Variants in ATXN8OS observed in about 807,000 individuals in gnomAD.
The protein encoded by ATXN8OS is ATXN8 opposite strand lncRNA, also known as ATXN8 opposite strand (non-protein coding).
At chr13:70,145,687 T>C (rs1353587850) in intron 3 of ATXN8OS, among the ~76,000 whole-genome samples, 1 of 152,174 alleles carries the variant, frequency 6.6e-6, no homozygotes, top group Non-Finnish European at 1.5e-5. Context: ...CTTGTGATTT[T>C]TGTACATTGA....
intron 3 of ATXN8OS, chr13:70,139,371 A>ACTGCTGCTGCTGCTG (rs1566606466): frequency 2.5e-5 from 16 of 643,210 alleles, no homozygotes; most frequent in African/African-American, 1.8e-4. Flanking sequence ...TACTACTACT[A>ACTGCTGCTGCTGCTG]CTACTACTAC....
At chr13:70,111,055 T>C (rs1206939736) in intron 1 of ATXN8OS, among the ~76,000 whole-genome samples, 1 of 152,192 alleles carries the variant, frequency 6.6e-6, no homozygotes, top group African/African-American at 2.4e-5. Flanking sequence ...TGAATGTCCA[T>C]ATGGTTGCCA....
At chr13:70,147,827 A>C (rs1468924224) in intron 4 of ATXN8OS, among the ~76,000 whole-genome samples, 1 of 152,166 alleles carries the variant, frequency 6.6e-6, no homozygotes, top group Non-Finnish European at 1.5e-5. Flanking sequence ...TTCTAAGAAC[A>C]TGTGCCCAAG....
At chr13:70,110,402 G>A (rs778884755) in intron 1 of ATXN8OS, among the ~76,000 whole-genome samples, 7 of 151,874 alleles carry the variant, frequency 4.6e-5, no homozygotes, top group Non-Finnish European at 8.8e-5. Flanking sequence ...ATTAAATTAC[G>A]CATGAAGTTA....
At chr13:70,170,630 T>G in exon 5 of ATXN8OS, among the ~76,000 whole-genome samples, 1 of 152,308 alleles carries the variant, frequency 6.6e-6, no homozygotes, top group Non-Finnish European at 1.5e-5. Flanking sequence ...TCCAGAAAGC[T>G]GCAGGTTTTT....
chr13:70,155,506 G>A (rs558191387), intron 4 of ATXN8OS, among the ~76,000 whole-genome samples: 4 of 152,118 alleles, frequency 2.6e-5, no homozygotes, highest in East Asian at 3.9e-4. Flanking sequence ...AGTGTCTCTC[G>A]AACTTCAGGG....
At chr13:70,136,257 G>A (rs928959034) in intron 3 of ATXN8OS, among the ~76,000 whole-genome samples, 6 of 152,042 alleles carry the variant, frequency 3.9e-5, no homozygotes, top group African/African-American at 1.2e-4. Flanking sequence ...ACTAATTTAG[G>A]TTGCAGTTCG....
chr13:70,154,729 G>A (rs1888915414), intron 4 of ATXN8OS, among the ~76,000 whole-genome samples: 1 of 152,132 alleles, frequency 6.6e-6, no homozygotes, highest in Non-Finnish European at 1.5e-5. Flanking sequence ...ATTTTACTTT[G>A]TTTTATGAAA....
At chr13:70,144,147 C>T (rs1215291587) in intron 3 of ATXN8OS, among the ~76,000 whole-genome samples, 2 of 151,938 alleles carry the variant, frequency 1.3e-5, no homozygotes, top group Non-Finnish European at 2.9e-5. Context: ...TTTCTTATTG[C>T]CCAGAAATAT....
chr13:70,129,355 ATAT>A (rs1248078658), intron 2 of ATXN8OS, among the ~76,000 whole-genome samples: 5 of 148,264 alleles, frequency 3.4e-5, no homozygotes, highest in Non-Finnish European at 7.4e-5. Context: ...ATTAAAAATA[ATAT>A]TAGTGCTTGT....
chr13:70,130,045 A>G (rs978700901), intron 3 of ATXN8OS, among the ~76,000 whole-genome samples: 16 of 152,122 alleles, frequency 1.1e-4, no homozygotes, highest in Non-Finnish European at 2.1e-4. Context: ...AAGATAGCAA[A>G]TAAGTTAAGT....
At chr13:70,139,744 T>C (rs530177763) in intron 3 of ATXN8OS, among the ~76,000 whole-genome samples, 2 of 152,260 alleles carry the variant, frequency 1.3e-5, no homozygotes, top group African/African-American at 4.8e-5. Context: ...TTGCTCCCAA[T>C]AGAAGGTGCA....
At chr13:70,125,460 T>C (rs1393949887) in intron 2 of ATXN8OS, among the ~76,000 whole-genome samples, 1 of 152,158 alleles carries the variant, frequency 6.6e-6, no homozygotes, top group Non-Finnish European at 1.5e-5. Flanking sequence ...AATAATTTCA[T>C]AACATCATCA....
exon 5 of ATXN8OS, among the ~76,000 whole-genome samples, chr13:70,171,180 C>T (rs1311755681): frequency 1.3e-5 from 2 of 151,936 alleles, no homozygotes; most frequent in Non-Finnish European, 2.9e-5. Flanking sequence ...ACAGAAACTG[C>T]TGATTAGGTT....
At chr13:70,148,687 G>A (rs2739853) in intron 4 of ATXN8OS, among the ~76,000 whole-genome samples, 116,154 of 151,990 alleles carry the variant, frequency 0.76, 44,480 homozygotes, top group South Asian at 0.84. Flanking sequence ...CAAAAATTTC[G>A]TAAACTAAAA....
chr13:70,169,089 G>A (rs1021915314), intron 4 of ATXN8OS, among the ~76,000 whole-genome samples: 7 of 152,014 alleles, frequency 4.6e-5, no homozygotes, highest in Non-Finnish European at 8.8e-5. Flanking sequence ...ACTAGATAAT[G>A]CAGATGGATT....
intron 3 of ATXN8OS, among the ~76,000 whole-genome samples, chr13:70,132,313 T>G (rs1888545560): frequency 6.6e-6 from 1 of 151,748 alleles, no homozygotes; most frequent in Admixed American, 6.6e-5. Context: ...TATGATTTTT[T>G]TTTTTTTTTT....
At chr13:70,113,928 T>C (rs1403461819) in intron 1 of ATXN8OS, among the ~76,000 whole-genome samples, 1 of 152,206 alleles carries the variant, frequency 6.6e-6, no homozygotes, top group Admixed American at 6.5e-5. Flanking sequence ...TTTCAAATGC[T>C]CTTTTTCCCA....
At chr13:70,160,257 T>C (rs1329591366) in intron 4 of ATXN8OS, among the ~76,000 whole-genome samples, 2 of 152,158 alleles carry the variant, frequency 1.3e-5, no homozygotes, top group East Asian at 3.8e-4. Context: ...AGGTATGTAT[T>C]TGCAGCTCAT....
Sources: gnomAD v4.1 joint callset for allele counts (sites outside exome capture counted in the v4.1 genomes callset) on GRCh38, gnomAD v4.1.1 for gene constraint, MANE v1.5 for transcripts, NCBI Gene and HGNC (gene_info 2026-07-23, HGNC 2026-07-21) for gene names.